GPATCH1: variants seen among roughly 807,000 people sequenced by gnomAD.
GPATCH1 encodes the protein G-patch domain containing 1.
In GPATCH1, 73 loss-of-function variants were observed where a neutral mutation model predicts 114.9. The observed-to-expected ratio is 0.64, with a 90% CI of 0.53 to 0.77. GPATCH1 has a LOEUF of 0.77. GPATCH1 is among the 30% of genes least tolerant of loss of function. The probability of loss-of-function intolerance (pLI) is 0.00; values close to 1 mark genes in which losing one functional copy is unlikely to be tolerated. For missense variants in GPATCH1, 1,058 were observed against 1,144.3 expected, an observed-to-expected ratio of 0.92 and a Z score of 1.09; for synonymous variants, 391 against 428.4, an observed-to-expected ratio of 0.91 and a Z score of 1.08.
At chr19:33,106,937 A>G (rs752282689) in intron 10 of GPATCH1, 38 bp downstream of exon 10, 4 of 1,491,920 alleles carry the variant, frequency 2.7e-6, no homozygotes, top group Non-Finnish European at 3.7e-6. Flanking sequence ...ATTTCACATA[A>G]TTCGAGTTAT....
Position 33,088,900 on chromosome 19 carries a change from G to T in GPATCH1, c.208+632G>T, listed in dbSNP as rs375738006. Among the ~76,000 whole-genome samples, 59 of 152,098 alleles carry T rather than the reference G, an allele frequency of 3.9e-4. 2 individuals are homozygous for T. In the East Asian group the frequency reaches 9.3e-3, roughly 24 times the overall value. ...TCTAACTCCTGGCCTCAAGTGATCC[G>T]CCTGTCTTGGCCTCCCAAAGTGCTG... On this transcript the variant is annotated intron_variant, in intron 2 of 19. Coordinates refer to ENST00000170564, the MANE Select transcript of GPATCH1 (RefSeq NM_018025.3).
intron 16 of GPATCH1, 47 bp from the exon 17 acceptor site, chr19:33,118,963 A>T (rs1163616771): frequency 8.6e-7 from 1 of 1,158,478 alleles, no homozygotes; most frequent in South Asian, 1.3e-5. Context: ...ACTCAGAGAC[A>T]TTAACATGGG....
At chr19:33,118,366 A>C (rs1452405023) in intron 16 of GPATCH1, among the ~76,000 whole-genome samples, 1 of 151,508 alleles carries the variant, frequency 6.6e-6, no homozygotes, top group Non-Finnish European at 1.5e-5. Context: ...TTTAGTAGAG[A>C]TGGGGTTTCA....
intron 13 of GPATCH1, 190 bp from the exon 14 acceptor site, chr19:33,113,577 C>T: frequency 1.9e-6 from 1 of 535,504 alleles, no homozygotes; most frequent in South Asian, 2.7e-5. Flanking sequence ...TTGTCCTTAT[C>T]ATAATAAGGA....
intron 11 of GPATCH1, 48 bp from the exon 12 acceptor site, chr19:33,111,676 C>G (rs1360568992): frequency 6.4e-7 from 1 of 1,568,850 alleles, no homozygotes; most frequent in Non-Finnish European, 8.7e-7. Flanking sequence ...TTGTAAGCCC[C>G]ATGTTTTCCT....
chr19:33,106,237 C>T (rs1446555292), intron 9 of GPATCH1, among the ~76,000 whole-genome samples: 1 of 151,696 alleles, frequency 6.6e-6, no homozygotes, highest in African/African-American at 2.4e-5. Context: ...CTCCCAGGCT[C>T]AAGCAGTCCT....
At chr19:33,094,467 C>A (rs754217436) in intron 5 of GPATCH1, among the ~76,000 whole-genome samples, 198 bp downstream of exon 5, 1 of 152,086 alleles carries the variant, frequency 6.6e-6, no homozygotes, top group South Asian at 2.1e-4. Flanking sequence ...TGTGCCACTG[C>A]GCCAGGCTAA....
Position 33,101,540 on chromosome 19 carries a change from T to C in GPATCH1, c.1046T>C (p.Phe349Ser). ...TACGTTGGCAAAATTTTGGATGGAT[T>C]TTCCTTGGCTTCTAAACCTTTATCT... The part of the protein sequence containing the change: ...LRYVGKILDG[F>S]SLASKPLSSK... Residue 349 changes from phenylalanine (F) to serine (S), a missense_variant, in exon 9 of 20, where the codon TTT becomes TCT. Phe to Ser is a radical substitution (Grantham distance 155, BLOSUM62 -2). Transcript: ENST00000170564. 1 of 1,602,118 alleles carries C rather than the reference T, an allele frequency of 6.2e-7. No homozygotes were observed. The highest frequency in any genetic ancestry group is 8.6e-7 in the Non-Finnish European group (1 of 1,169,318).
chr19:33,115,491 T>G (rs12461369), intron 15 of GPATCH1, among the ~76,000 whole-genome samples: 1 of 151,670 alleles, frequency 6.6e-6, no homozygotes, highest in Admixed American at 6.6e-5. Flanking sequence ...ATATTTAAAG[T>G]GGGTTTCTTT....
chr19:33,089,181 A>C (rs1304563636), intron 2 of GPATCH1, among the ~76,000 whole-genome samples: 1 of 152,170 alleles, frequency 6.6e-6, no homozygotes, highest in Admixed American at 6.6e-5. Context: ...TCTTTCAGTT[A>C]ATCATTGACT....
chr19:33,096,168 T>C (rs773179127), intron 6 of GPATCH1, 39 bp from the exon 7 acceptor site: 53 of 1,602,610 alleles, frequency 3.3e-5, no homozygotes, highest in Non-Finnish European at 4.5e-5. Flanking sequence ...CTTTGCATCC[T>C]TCAGTGACTC....
rs531815792 is a variant in GPATCH1 at position 33,113,962 on chromosome 19, G to A, written c.2029+59G>A. Reference sequence around the variant, plus strand: ...CAGGGCCTCAACCCCTAGCCTGTAGGAAGACAGAATTAAAGGGTAGTTTAG... The same window carrying A: ...CAGGGCCTCAACCCCTAGCCTGTAGAAAGACAGAATTAAAGGGTAGTTTAG... On this transcript the variant is annotated intron_variant, in intron 14 of 19. Transcript: ENST00000170564. The A allele has an allele frequency of 4.0e-6, 6 of 1,510,748 alleles. No homozygotes were observed. In the East Asian group the frequency reaches 1.4e-4, roughly 34 times the overall value. 93.6% of individuals were successfully genotyped at this position (1,510,748 alleles called of 1,614,324 possible). A position where few individuals can be genotyped will look rare whatever the true frequency, so the allele number is the denominator to read the frequency against.
Position 33,111,809 on chromosome 19 carries a change from G to T in GPATCH1, c.1671G>T (p.Leu557=). 1 of 1,614,102 alleles carries T rather than the reference G, an allele frequency of 6.2e-7. No homozygotes were observed. The highest frequency in any genetic ancestry group is 1.1e-5 in the South Asian group (1 of 91,084). ...ATGAGTTTGCCCGGGCGGCCCTGCT[G>T]TACGCATCTTCCCATTCGACCTTGT... ...ERDEFARAAL[L]YASSHSTLSS... Residue 557 remains leucine, a synonymous_variant, in exon 12 of 20, where the codon CTG becomes CTT. Transcript: ENST00000170564.
At position 33,081,288 on chromosome 19, in the gene GPATCH1, G is replaced by A. The variant is rs2145293756; in HGVS notation, c.73+22G>A. The A allele has an allele frequency of 3.2e-6, 5 of 1,543,434 alleles. No individual in the cohort carries two copies. In the South Asian group the frequency reaches 4.8e-5, roughly 15 times the overall value. The stretch of plus-strand genomic sequence containing the variant: ...GAAGGTGCGGGCCGCGTGGGCCGGC[G>A]GAGCCTGTGGAAAACAGGCCAAGGG... On this transcript the variant is annotated intron_variant, in intron 1 of 19. Coordinates refer to ENST00000170564, the MANE Select transcript of GPATCH1 (RefSeq NM_018025.3).
At chr19:33,100,634 G>A (rs1972715571) in intron 8 of GPATCH1, among the ~76,000 whole-genome samples, 2 of 139,502 alleles carry the variant, frequency 1.4e-5, no homozygotes, top group South Asian at 4.7e-4. Context: ...AAAGCACAAA[G>A]AATGGTTTTG....
At chr19:33,093,316 G>A in intron 3 of GPATCH1, 43 bp from the exon 4 acceptor site, 1 of 1,358,566 alleles carries the variant, frequency 7.4e-7, no homozygotes, top group East Asian at 2.3e-5. Flanking sequence ...ATTGTGTATA[G>A]TCACTTTCCA....
At chr19:33,097,384 C>T (rs891582367) in intron 7 of GPATCH1, among the ~76,000 whole-genome samples, 2 of 152,228 alleles carry the variant, frequency 1.3e-5, no homozygotes, top group East Asian at 1.9e-4. Context: ...CAGCCACCAG[C>T]GTTGGCCCAG....
chr19:33,106,130 T>C (rs1234212941), intron 9 of GPATCH1, among the ~76,000 whole-genome samples: 1 of 152,186 alleles, frequency 6.6e-6, no homozygotes, highest in Non-Finnish European at 1.5e-5. Flanking sequence ...ATTACAGGCA[T>C]GATCCACTGT....
At chr19:33,094,066 A>T in intron 4 of GPATCH1, 106 bp from the exon 5 acceptor site, 1 of 690,520 alleles carries the variant, frequency 1.4e-6, no homozygotes, top group Non-Finnish European at 2.6e-6. Flanking sequence ...GCAAGGGCCC[A>T]GGCAAGACAG....
Sources: gnomAD v4.1 joint callset for allele counts (sites outside exome capture counted in the v4.1 genomes callset) on GRCh38, gnomAD v4.1.1 for gene constraint, MANE v1.5 for transcripts, NCBI Gene and HGNC (gene_info 2026-07-23, HGNC 2026-07-21) for gene names.